Variants in PCDHGA4 observed in about 807,000 individuals in gnomAD.
PCDHGA4 encodes the protein protocadherin gamma-A4.
PCDHGA4 carries 38 observed loss-of-function variants against 54.6 expected under a neutral mutation model. The observed-to-expected ratio is 0.70, with a 90% confidence interval of 0.54 to 0.91. The LOEUF (loss-of-function observed/expected upper bound fraction) is 0.91, where lower values mean the gene tolerates loss of function less well. Among genes scored for constraint, PCDHGA4 ranks in the 40% least tolerant of loss-of-function variants. The pLI is 0.00. For missense variants in PCDHGA4, 1,298 were observed against 1,220.9 expected (o/e 1.06, Z -0.94); for synonymous variants, 511 against 512.9 (o/e 1.00, Z 0.05).
At chr5:141,372,942 T>C in intron 1 of PCDHGA4, 1 of 786,954 alleles carries the variant, frequency 1.3e-6, no homozygotes. Context: ...GAGTAGGGTG[T>C]CTAGGAAATT....
intron 1 of PCDHGA4, chr5:141,413,863 G>A (rs1367797365): frequency 1.9e-6 from 3 of 1,613,356 alleles, no homozygotes; most frequent in Admixed American, 1.7e-5. Flanking sequence ...ATCTGGCACT[G>A]TCCTTGTCAG....
intron 1 of PCDHGA4, chr5:141,415,493 T>C (rs1312874620): frequency 6.2e-7 from 1 of 1,614,108 alleles, no homozygotes; most frequent in Non-Finnish European, 8.5e-7. Context: ...AGTCACCTGA[T>C]CTTCCCCCAG....
intron 1 of PCDHGA4, among the ~76,000 whole-genome samples, chr5:141,459,613 C>T (rs1040874685): frequency 2.6e-5 from 4 of 152,188 alleles, no homozygotes; most frequent in African/African-American, 9.7e-5. Context: ...ATATGCTTAA[C>T]TTTATAAGAA....
intron 1 of PCDHGA4, chr5:141,382,678 C>T (rs1778365964): frequency 2.3e-6 from 1 of 439,006 alleles, no homozygotes; most frequent in African/African-American, 2.0e-5. Flanking sequence ...TGTTCACCAA[C>T]CAGGGAAAAA....
chr5:141,478,594 C>T, intron 1 of PCDHGA4: 2 of 1,569,448 alleles, frequency 1.3e-6, no homozygotes, highest in Non-Finnish European at 1.7e-6. Context: ...TTTTTTATTC[C>T]TACATCATAT....
chr5:141,385,339 C>T (rs1379260130), intron 1 of PCDHGA4: 1 of 1,570,014 alleles, frequency 6.4e-7, no homozygotes, highest in African/African-American at 1.4e-5. Flanking sequence ...CCCAGCCCTT[C>T]CTTTATTTCC....
At chr5:141,452,839 C>A (rs939513310) in intron 1 of PCDHGA4, among the ~76,000 whole-genome samples, 2 of 152,092 alleles carry the variant, frequency 1.3e-5, no homozygotes, top group Non-Finnish European at 2.9e-5. Flanking sequence ...TTGGTCCAGC[C>A]CACACTCTGG....
At position 141,403,340 on chromosome 5, in the gene PCDHGA4, G is replaced by GC. The variant is rs1435471755; in HGVS notation, c.2514+45723dup. The GC allele has an allele frequency of 5.6e-6, 9 of 1,613,982 alleles. No homozygotes were observed. In the South Asian group the frequency reaches 9.9e-5, roughly 18 times the overall value. ...AGAAGTAACTGATATTAACGACAGCGCCCCAAAGTTCCAGGCCGAAAGTCT... is the reference window on the plus strand; with the variant it reads ...AGAAGTAACTGATATTAACGACAGCGCCCCCAAAGTTCCAGGCCGAAAGTCT... On this transcript the variant is annotated intron_variant, in intron 1 of 3. Transcript: ENST00000571252.
chr5:141,375,462 A>G, intron 1 of PCDHGA4: 2 of 1,613,908 alleles, frequency 1.2e-6, no homozygotes, highest in Non-Finnish European at 1.7e-6. Flanking sequence ...TACTCAGTCT[A>G]TGTCCTTGAA....
chr5:141,408,597 A>G (rs1389452276), intron 1 of PCDHGA4: 1 of 1,614,042 alleles, frequency 6.2e-7, no homozygotes, highest in Non-Finnish European at 8.5e-7. Context: ...CACGCCCCTC[A>G]ATTTGATAAA....
intron 2 of PCDHGA4, among the ~76,000 whole-genome samples, chr5:141,501,290 T>TACACACACACACAC (rs55762287): frequency 7.3e-6 from 1 of 136,164 alleles, no homozygotes; most frequent in Non-Finnish European, 1.6e-5. Context: ...TATTCCCTTA[T>TACACACACACACAC]ACACACACAC....
intron 1 of PCDHGA4, chr5:141,420,568 T>C (rs2096507107): frequency 8.5e-6 from 2 of 235,080 alleles, no homozygotes; most frequent in African/African-American, 2.3e-5. Flanking sequence ...CGGCATGGTA[T>C]TTTAATTGAA....
chr5:141,404,250 C>A lies in PCDHGA4; in HGVS notation c.2514+46629C>A, dbSNP rs1282621596. 2.5e-6 allele frequency: 4 copies of A among 1,613,886 alleles called. No homozygotes were observed. In the Admixed American group the frequency reaches 5.0e-5, roughly 20 times the overall value. On this transcript the variant is annotated intron_variant, in intron 1 of 3. Coordinates refer to ENST00000571252, the MANE Select transcript of PCDHGA4 (RefSeq NM_018917.4). Reference sequence around the variant, plus strand: ...ACAGACAGAGGAACTCCGCCCCTGTCCACAGAAATTCACATCACCCTGCAA... The same window carrying A: ...ACAGACAGAGGAACTCCGCCCCTGTACACAGAAATTCACATCACCCTGCAA...
rs766165859 is a variant in PCDHGA4 at position 141,357,323 on chromosome 5, T to C, written c.2216T>C (p.Val739Ala). 1.2e-6 allele frequency: 2 copies of C among 1,614,108 alleles called. No individual in the cohort carries two copies. The highest frequency in any genetic ancestry group is 3.3e-5 in the Admixed American group (2 of 60,028). ...AAVSCVFLAF[V>A]TVLLALKLRR... ...GTCTCCTGCGTCTTCCTGGCTTTTGTCACGGTGCTGCTAGCACTCAAGCTG... is the reference window on the plus strand; with the variant it reads ...GTCTCCTGCGTCTTCCTGGCTTTTGCCACGGTGCTGCTAGCACTCAAGCTG... The change falls in exon 1 of 4, where the codon GTC becomes GCC. Residue 739 changes from valine to alanine, a missense_variant. Physicochemically the swap from Val to Ala is moderately conservative, Grantham distance 64. Transcript: ENST00000571252.
chr5:141,497,626 G>T (rs1373764805), intron 2 of PCDHGA4, among the ~76,000 whole-genome samples: 3 of 149,502 alleles, frequency 2.0e-5, no homozygotes, highest in Non-Finnish European at 4.4e-5. Flanking sequence ...TGCAACCTCT[G>T]CCTGCCAGGT....
rs749014540 is a variant in PCDHGA4, at chr5:141,360,217, G to A, written c.2514+2596G>A. ...CTTCCTGTTGTCTTTGTTCCCCGGG[G>A]CTCTCCCAGTCCAGATCCGCTATTC... On this transcript the variant is annotated intron_variant, in intron 1 of 3. Transcript: ENST00000571252. 3 of 1,613,398 alleles carry A rather than the reference G, an allele frequency of 1.9e-6. No individual in the cohort carries two copies. In the South Asian group the frequency reaches 3.3e-5, roughly 18 times the overall value.
intron 1 of PCDHGA4, chr5:141,389,992 T>C (rs1454071261): frequency 6.2e-7 from 1 of 1,614,010 alleles, no homozygotes; most frequent in South Asian, 1.1e-5. Flanking sequence ...CTCTTCCTCG[T>C]GGCCATGATT....
rs779750859 is a variant in PCDHGA4, at chr5:141,476,273, A to G, written c.2515-18534A>G. On this transcript the variant is annotated intron_variant, in intron 1 of 3. Transcript: ENST00000571252. The surrounding 1 kb of genome is among the most constrained non-coding windows in gnomAD (Gnocchi z 7.6). Reference sequence around the variant, plus strand: ...TTTCGCTGTGGGCAACGTGGTCGCGAACCTTGGTTTGGATCTCGGTAGCCT... The same window carrying G: ...TTTCGCTGTGGGCAACGTGGTCGCGGACCTTGGTTTGGATCTCGGTAGCCT... 6.2e-7 allele frequency: 1 copy of G among 1,613,964 alleles called. No individual in the cohort carries two copies. The highest frequency in any genetic ancestry group is 1.1e-5 in the South Asian group (1 of 91,064).
chr5:141,415,161 C>T (rs1391561235), intron 1 of PCDHGA4: 1 of 1,613,864 alleles, frequency 6.2e-7, no homozygotes, highest in Admixed American at 1.7e-5. Context: ...CCGCCACTGT[C>T]ACGCTCACCG....
Sources: allele counts gnomAD v4.1 joint callset (sites outside exome capture counted in the v4.1 genomes callset), GRCh38; gene constraint gnomAD v4.1.1; non-coding constraint Gnocchi (gnomAD v3.1); transcripts MANE v1.5; gene names NCBI Gene and HGNC (gene_info 2026-07-23, HGNC 2026-07-21).